Variants in FBXL17 observed in about 807,000 individuals in gnomAD.
The protein encoded by FBXL17 is F-box and leucine rich repeat protein 17.
Under a neutral mutation model 66.2 loss-of-function variants are expected in FBXL17, and 22 were observed. The ratio of observed to expected loss-of-function variants is 0.33; its 90% CI spans 0.24 to 0.47. The LOEUF is 0.47. FBXL17 is among the 20% of genes least tolerant of loss of function. The pLI, the probability that FBXL17 is intolerant of heterozygous loss-of-function variation, is 1.00. For missense variants in FBXL17, 878 were observed against 948.2 expected, an observed-to-expected ratio of 0.93 and a Z score of 0.97; for synonymous variants, 474 against 400.5, an observed-to-expected ratio of 1.18 and a Z score of -2.19.
chr5:108,173,939 G>A (rs1353171373), intron 6 of FBXL17, among the ~76,000 whole-genome samples: 1 of 152,142 alleles, frequency 6.6e-6, no homozygotes, highest in Admixed American at 6.5e-5. Context: ...TTAATAACAA[G>A]GAAAACCTCA....
At chr5:107,878,068 G>A (rs1388397555) in intron 8 of FBXL17, among the ~76,000 whole-genome samples, 2 of 152,106 alleles carry the variant, frequency 1.3e-5, no homozygotes, top group Non-Finnish European at 2.9e-5. Flanking sequence ...GAGTAAGATG[G>A]TTAATAAATT....
At chr5:108,065,453 G>A (rs1205736718) in intron 6 of FBXL17, among the ~76,000 whole-genome samples, 4 of 151,992 alleles carry the variant, frequency 2.6e-5, no homozygotes, top group African/African-American at 9.7e-5. Context: ...TTTTATCAGT[G>A]GTAAAAACTT....
At chr5:108,195,319 C>T (rs1472139763) in intron 5 of FBXL17, among the ~76,000 whole-genome samples, 20 of 151,892 alleles carry the variant, frequency 1.3e-4, no homozygotes, top group Admixed American at 1.3e-3. Flanking sequence ...ATGATATTTG[C>T]GCAAAGATTT....
intron 6 of FBXL17, among the ~76,000 whole-genome samples, chr5:108,109,286 T>C (rs1322285237): frequency 1.3e-5 from 2 of 152,192 alleles, no homozygotes; most frequent in Admixed American, 1.3e-4. Context: ...ATCCTTTTTC[T>C]GACCTTCCCC....
chr5:108,047,547 T>G (rs901765382), intron 6 of FBXL17, among the ~76,000 whole-genome samples: 1 of 152,192 alleles, frequency 6.6e-6, no homozygotes, highest in Non-Finnish European at 1.5e-5. Context: ...CTAAGCTCCC[T>G]GGGTGGGGGA....
intron 7 of FBXL17, among the ~76,000 whole-genome samples, chr5:107,999,173 C>A (rs1753607989): frequency 6.6e-6 from 1 of 152,038 alleles, no homozygotes; most frequent in Non-Finnish European, 1.5e-5. Context: ...CTATTGCACC[C>A]CAGGTTAGTT....
At chr5:108,173,860 T>C (rs1301191245) in intron 6 of FBXL17, among the ~76,000 whole-genome samples, 2 of 152,200 alleles carry the variant, frequency 1.3e-5, no homozygotes, top group East Asian at 3.8e-4. Flanking sequence ...CACTGCTTCA[T>C]AGAGAAACAG....
At chr5:108,165,257 G>C (rs1364162411) in intron 6 of FBXL17, among the ~76,000 whole-genome samples, 1 of 152,136 alleles carries the variant, frequency 6.6e-6, no homozygotes, top group Non-Finnish European at 1.5e-5. Flanking sequence ...GGCACCAATT[G>C]CAAAATATTA....
chr5:108,086,638 G>GA, intron 6 of FBXL17, among the ~76,000 whole-genome samples: 1 of 152,050 alleles, frequency 6.6e-6, no homozygotes, highest in Non-Finnish European at 1.5e-5. Context: ...CGATCACTGC[G>GA]ACCTCCGCCT....
intron 7 of FBXL17, among the ~76,000 whole-genome samples, chr5:108,005,077 G>A (rs1753872810): frequency 6.7e-6 from 1 of 149,338 alleles, no homozygotes; most frequent in African/African-American, 2.5e-5. Flanking sequence ...TTGCTAGAGT[G>A]TCAAATTTTC....
At chr5:107,911,245 T>G (rs1749940409) in intron 7 of FBXL17, among the ~76,000 whole-genome samples, 1 of 152,212 alleles carries the variant, frequency 6.6e-6, no homozygotes, top group Admixed American at 6.6e-5. Flanking sequence ...TATGAAAATT[T>G]TTATAAGAGA....
chr5:107,918,899 T>G (rs894341837), intron 7 of FBXL17, among the ~76,000 whole-genome samples: 2 of 152,328 alleles, frequency 1.3e-5, no homozygotes, highest in Admixed American at 1.3e-4. Context: ...AAGCCATGCA[T>G]GAGCTCTTGC....
intron 6 of FBXL17, among the ~76,000 whole-genome samples, chr5:108,177,003 A>G (rs984339250): frequency 6.6e-6 from 1 of 152,208 alleles, no homozygotes; most frequent in East Asian, 1.9e-4. Flanking sequence ...TTTGATGAAG[A>G]TAACTTTCTT....
At chr5:108,261,533 T>C (rs1756819672) in intron 4 of FBXL17, among the ~76,000 whole-genome samples, 1 of 152,168 alleles carries the variant, frequency 6.6e-6, no homozygotes, top group South Asian at 2.1e-4. Context: ...ACTCTAGAAT[T>C]TTACATCAAG....
chr5:108,081,600 G>A (rs1748768470), intron 6 of FBXL17, among the ~76,000 whole-genome samples: 1 of 152,118 alleles, frequency 6.6e-6, no homozygotes, highest in African/African-American at 2.4e-5. Flanking sequence ...GCAGGCGTCT[G>A]TAGTCCCAGC....
intron 6 of FBXL17, among the ~76,000 whole-genome samples, chr5:108,055,374 C>T (rs1747660916): frequency 6.9e-6 from 1 of 145,776 alleles, no homozygotes; most frequent in African/African-American, 2.5e-5. Context: ...TTTGAGAGGC[C>T]GAGGCGGGCG....
At chr5:108,258,719 G>C (rs1418605544) in intron 4 of FBXL17, among the ~76,000 whole-genome samples, 1 of 150,494 alleles carries the variant, frequency 6.6e-6, no homozygotes, top group African/African-American at 2.5e-5. Context: ...AAGGAAGTCA[G>C]GATAAATGGC....
chr5:108,213,766 T>C (rs1754478593), intron 5 of FBXL17, among the ~76,000 whole-genome samples: 2 of 152,254 alleles, frequency 1.3e-5, no homozygotes, highest in South Asian at 2.1e-4. Flanking sequence ...GCAAGTGTTT[T>C]TAACATTAGC....
chr5:108,318,179 C>G (rs181767781), intron 4 of FBXL17, among the ~76,000 whole-genome samples: 5 of 151,714 alleles, frequency 3.3e-5, no homozygotes, highest in African/African-American at 1.2e-4. Context: ...TCTTAATCAT[C>G]GACAGCCAGT....
Sources: gnomAD v4.1 joint callset for allele counts (sites outside exome capture counted in the v4.1 genomes callset) on GRCh38, gnomAD v4.1.1 for gene constraint, MANE v1.5 for transcripts, NCBI Gene and HGNC (gene_info 2026-07-23, HGNC 2026-07-21) for gene names.